PCDHGA2: variants seen among roughly 807,000 people sequenced by gnomAD.
PCDHGA2 encodes protocadherin gamma-A2.
Under a neutral mutation model 59.2 loss-of-function variants are expected in PCDHGA2, and 40 were observed. The observed-to-expected ratio is 0.68, with a 90% CI of 0.52 to 0.88. The LOEUF (loss-of-function observed/expected upper bound fraction) is 0.88. Ranked by LOEUF, PCDHGA2 falls within the 40% of genes least tolerant of loss-of-function variation. The pLI is 0.00. For synonymous variants in PCDHGA2, 560 were observed against 526.0 expected, an observed-to-expected ratio of 1.06 and a Z score of -0.89; for missense variants, 1,226 against 1,204.0, an observed-to-expected ratio of 1.02 and a Z score of -0.27.
At chr5:141,396,792 A>G (rs2093435420) in intron 1 of PCDHGA2, among the ~76,000 whole-genome samples, 1 of 152,202 alleles carries the variant, frequency 6.6e-6, no homozygotes, top group Non-Finnish European at 1.5e-5. Flanking sequence ...GACATTTCCT[A>G]AGGATTGTGT....
intron 2 of PCDHGA2, among the ~76,000 whole-genome samples, chr5:141,502,723 G>C (rs771399677): frequency 3.9e-5 from 6 of 152,124 alleles, no homozygotes; most frequent in Non-Finnish European, 8.8e-5. Flanking sequence ...TGATTACAAA[G>C]CGGTGATGTT....
intron 1 of PCDHGA2, among the ~76,000 whole-genome samples, chr5:141,470,572 A>G (rs1349952470): frequency 6.6e-6 from 1 of 152,208 alleles, no homozygotes; most frequent in Non-Finnish European, 1.5e-5. Flanking sequence ...GCCAAGCAGG[A>G]TCAACTTCAT....
chr5:141,350,074 A>T (rs1177686169), intron 1 of PCDHGA2: 1 of 430,176 alleles, frequency 2.3e-6, no homozygotes, highest in Admixed American at 4.0e-5. Flanking sequence ...AGGCTTCTCA[A>T]TTCTGCAGGA....
At chr5:141,383,850 G>T (rs893832219) in intron 1 of PCDHGA2, 2 of 1,613,808 alleles carry the variant, frequency 1.2e-6, no homozygotes, top group African/African-American at 2.7e-5. Context: ...TCTATGAAAT[G>T]GAGGTTCAGG....
chr5:141,407,345 T>C (rs1025383467), intron 1 of PCDHGA2, among the ~76,000 whole-genome samples: 2 of 152,188 alleles, frequency 1.3e-5, no homozygotes, highest in African/African-American at 4.8e-5. Flanking sequence ...TGTATGTTAA[T>C]TTGGGGAAAA....
chr5:141,405,204 A>G, intron 1 of PCDHGA2: 1 of 1,613,034 alleles, frequency 6.2e-7, no homozygotes. Flanking sequence ...GCTTTCCTAC[A>G]GACCTATTCT....
chr5:141,351,459 T>C lies in PCDHGA2; in HGVS notation c.2424+10064T>C, dbSNP rs770562462. On this transcript the variant is annotated intron_variant, in intron 1 of 3. Coordinates refer to ENST00000394576, the MANE Select transcript of PCDHGA2 (RefSeq NM_018915.4). ...TCCACCTCGAAGAATTATTACAAGC[T>C]GGTGATTGCTGGAGCCCTAAACCGG... 17 of 1,613,546 alleles carry C rather than the reference T, an allele frequency of 1.1e-5. No individual in the cohort carries two copies. In the South Asian group the frequency reaches 1.9e-4, roughly 18 times the overall value.
chr5:141,409,670 T>C lies in PCDHGA2; in HGVS notation c.2424+68275T>C, dbSNP rs2095300697. 1.9e-6 allele frequency: 3 copies of C among 1,613,486 alleles called. No homozygotes were observed. In the East Asian group the frequency reaches 6.7e-5, roughly 36 times the overall value. ...GGGGCTCAATGGCCACATCTCCTACTCTATAGTGGCGAGTGACCTAGAGCC... is the reference window on the plus strand; with the variant it reads ...GGGGCTCAATGGCCACATCTCCTACCCTATAGTGGCGAGTGACCTAGAGCC... On this transcript the variant is annotated intron_variant, in intron 1 of 3. Transcript: ENST00000394576.
rs765819865 is a variant in PCDHGA2, at chr5:141,394,837, TG to T, written c.2424+53445del. ...AGCATCCCCGAAGTCCTGACCGAGT[TG>T]GGCAGTCTGAAGCCTTCGGTCGACC... On this transcript the variant is annotated intron_variant, in intron 1 of 3. Transcript: ENST00000394576. The T allele has an allele frequency of 1.9e-6, 3 of 1,613,824 alleles. No homozygotes were observed. The South Asian group carries it at 3.3e-5, about 18-fold the overall frequency.
intron 1 of PCDHGA2, chr5:141,364,288 A>G (rs1051262701): frequency 5.9e-6 from 9 of 1,517,572 alleles, no homozygotes; most frequent in Non-Finnish European, 7.9e-6. Context: ...AGGAAACAGC[A>G]GGCTGAACCA....
At position 141,430,974 on chromosome 5, in the gene PCDHGA2, C is replaced by T. The variant is rs141488923; in HGVS notation, c.2425-63833C>T. The T allele has an allele frequency of 7.0e-4, 1,130 of 1,613,070 alleles. 8 individuals carry two copies. In the African/African-American group the frequency reaches 0.014, roughly 19 times the overall value. On this transcript the variant is annotated intron_variant, in intron 1 of 3. Transcript: ENST00000394576. ...GTCCGCATCATCCCCAGAGGTAGGA[C>T]GCAGCTTTTCGCCCTGAATCCGCGC...
rs2095356668 is a variant in PCDHGA2, at chr5:141,410,094, C to T, written c.2424+68699C>T. Reference sequence around the variant, plus strand: ...ACTGGGGAGGTGCGCACGGCTCGAGCCTTAGGCGACAGGGACGCAGCCCGC... The same window carrying T: ...ACTGGGGAGGTGCGCACGGCTCGAGTCTTAGGCGACAGGGACGCAGCCCGC... On this transcript the variant is annotated intron_variant, in intron 1 of 3. Coordinates refer to ENST00000394576, the MANE Select transcript of PCDHGA2 (RefSeq NM_018915.4). 6.2e-7 allele frequency: 1 copy of T among 1,612,528 alleles called. No homozygotes were observed. Among genetic ancestry groups the T allele is most frequent in the Non-Finnish European group, 8.5e-7 (1 of 1,179,670 alleles).
At chr5:141,365,764 CCCCG>C (rs1764103284) in intron 1 of PCDHGA2, 3 of 1,613,772 alleles carry the variant, frequency 1.9e-6, no homozygotes, top group Middle Eastern at 3.3e-4. Context: ...CAGCCCATGA[CCCCG>C]ACAGCGGCGA....
chr5:141,350,771 C>A, intron 1 of PCDHGA2: 1 of 1,613,922 alleles, frequency 6.2e-7, no homozygotes, highest in Non-Finnish European at 8.5e-7. Flanking sequence ...CACCATCAAC[C>A]CCAATCAATA....
intron 1 of PCDHGA2, chr5:141,356,733 A>G (rs755469317): frequency 1.2e-6 from 2 of 1,613,996 alleles, no homozygotes; most frequent in Non-Finnish European, 1.7e-6. Context: ...ACTCCAATAC[A>G]GGGATCCTAT....
intron 1 of PCDHGA2, among the ~76,000 whole-genome samples, chr5:141,348,269 T>G (rs1363773182): frequency 6.6e-6 from 1 of 152,162 alleles, no homozygotes; most frequent in East Asian, 1.9e-4. Context: ...ACACAAAAGC[T>G]GTAAGCAGAG....
intron 1 of PCDHGA2, chr5:141,394,337 C>T (rs2092979975): frequency 7.4e-6 from 12 of 1,614,148 alleles, no homozygotes; most frequent in Non-Finnish European, 1.0e-5. Flanking sequence ...TCTCCATCAA[C>T]TCTGACACCG....
chr5:141,501,290 T>TACACATACACAC (rs1224133816), intron 2 of PCDHGA2, among the ~76,000 whole-genome samples: 9 of 136,158 alleles, frequency 6.6e-5, no homozygotes, highest in Admixed American at 1.6e-4. Context: ...TATTCCCTTA[T>TACACATACACAC]ACACACACAC....
chr5:141,372,012 C>T, intron 1 of PCDHGA2: 1 of 1,613,320 alleles, frequency 6.2e-7, no homozygotes, highest in South Asian at 1.1e-5. Context: ...CCAGGGCTCG[C>T]CTACGCTCAG....
Sources: allele counts gnomAD v4.1 joint callset (sites outside exome capture counted in the v4.1 genomes callset), GRCh38; gene constraint gnomAD v4.1.1; transcripts MANE v1.5; gene names NCBI Gene and HGNC (gene_info 2026-07-23, HGNC 2026-07-21).